The following MAN2A1 variants were observed in gnomAD, a reference collection of about 807,000 sequenced individuals.
The protein encoded by MAN2A1 is alpha-mannosidase 2.
In MAN2A1, 76 loss-of-function variants were observed where a neutral mutation model predicts 142.6. The ratio of observed to expected loss-of-function variants is 0.53; its 90% CI spans 0.44 to 0.65. The LOEUF is 0.65. MAN2A1 is among the 30% of genes least tolerant of loss of function. The pLI is 0.00. For missense variants in MAN2A1, 1,311 were observed against 1,365.1 expected (o/e 0.96, Z 0.62); for synonymous variants, 559 against 473.2 (o/e 1.18, Z -2.35).
At chr5:109,695,535 T>G (rs1038777244) in intron 1 of MAN2A1, among the ~76,000 whole-genome samples, 5 of 152,206 alleles carry the variant, frequency 3.3e-5, no homozygotes, top group Non-Finnish European at 5.9e-5. Context: ...CCTGGTTTAT[T>G]CTTAGCTTTT....
At chr5:109,719,282 A>C (rs927737551) in intron 3 of MAN2A1, among the ~76,000 whole-genome samples, 2 of 152,218 alleles carry the variant, frequency 1.3e-5, no homozygotes, top group Non-Finnish European at 2.9e-5. Flanking sequence ...GTCAGAAACA[A>C]ACATTTTAAA....
chr5:109,712,828 T>C (rs1751340252), intron 1 of MAN2A1, among the ~76,000 whole-genome samples: 1 of 152,118 alleles, frequency 6.6e-6, no homozygotes, highest in Non-Finnish European at 1.5e-5. Flanking sequence ...GATATAGGGG[T>C]GAACAAGGTA....
In MAN2A1 at chr5:109,775,318, C is replaced by T. The variant is rs149142295; in HGVS notation, c.1374+353C>T. 1.3e-3 allele frequency among the ~76,000 whole-genome samples: 197 copies of T among 152,226 alleles called. 1 individual carries two copies. The highest frequency in any genetic ancestry group is 6.8e-3 in the Middle Eastern group (2 of 294). Reference sequence around the variant, plus strand: ...CCAACATTGAAAGTCTGTTATTTCTCTCTGACAGCTGCATCCTTGTGATTT... The same window carrying T: ...CCAACATTGAAAGTCTGTTATTTCTTTCTGACAGCTGCATCCTTGTGATTT... On this transcript the variant is annotated intron_variant, in intron 8 of 21. Coordinates refer to ENST00000261483, the MANE Select transcript of MAN2A1 (RefSeq NM_002372.4).
intron 4 of MAN2A1, among the ~76,000 whole-genome samples, chr5:109,738,095 A>T (rs1752157094): frequency 6.6e-6 from 1 of 152,200 alleles, no homozygotes; most frequent in Non-Finnish European, 1.5e-5. Flanking sequence ...TGCATAAGCA[A>T]GGCAAAATTT....
chr5:109,780,273 A>T (rs1753419849), intron 8 of MAN2A1, among the ~76,000 whole-genome samples: 1 of 151,886 alleles, frequency 6.6e-6, no homozygotes, highest in Non-Finnish European at 1.5e-5. Flanking sequence ...GTTAGCCAGG[A>T]TGGTCTCCAT....
chr5:109,797,588 A>G (rs1753898166), intron 12 of MAN2A1, among the ~76,000 whole-genome samples: 1 of 152,196 alleles, frequency 6.6e-6, no homozygotes, highest in South Asian at 2.1e-4. Context: ...ACAAGATTCC[A>G]ACAAAAGAAT....
chr5:109,819,474 T>A (rs559841574), intron 13 of MAN2A1, among the ~76,000 whole-genome samples, 195 bp from the exon 14 acceptor site: 2 of 152,328 alleles, frequency 1.3e-5, no homozygotes, highest in Admixed American at 6.5e-5. Flanking sequence ...ATTTTTTGTT[T>A]TTTGTTTTTT....
intron 12 of MAN2A1, among the ~76,000 whole-genome samples, chr5:109,817,015 C>A (rs1754478688): frequency 6.6e-6 from 1 of 151,996 alleles, no homozygotes; most frequent in Admixed American, 6.6e-5. Flanking sequence ...AAAAAATTAG[C>A]CAGATGTAGT....
chr5:109,849,904 T>C (rs1238671643), intron 19 of MAN2A1, among the ~76,000 whole-genome samples: 8 of 152,150 alleles, frequency 5.3e-5, no homozygotes, highest in Non-Finnish European at 1.2e-4. Flanking sequence ...GCCCACTGGT[T>C]TCCTTTAAGT....
chr5:109,779,833 CA>C (rs890451910), intron 8 of MAN2A1, among the ~76,000 whole-genome samples: 18 of 151,838 alleles, frequency 1.2e-4, no homozygotes, highest in African/African-American at 4.4e-4. Flanking sequence ...TTGGCTACAC[CA>C]AATTGAATAC....
chr5:109,776,983 G>A, intron 8 of MAN2A1, among the ~76,000 whole-genome samples: 1 of 152,036 alleles, frequency 6.6e-6, no homozygotes, highest in Non-Finnish European at 1.5e-5. Flanking sequence ...ATATACCACA[G>A]TTTATTCATT....
intron 4 of MAN2A1, among the ~76,000 whole-genome samples, chr5:109,734,861 G>A (rs1463185842): frequency 6.6e-6 from 1 of 152,184 alleles, no homozygotes; most frequent in Non-Finnish European, 1.5e-5. Flanking sequence ...ATTTGGGGTG[G>A]AGAGTTCTGT....
intron 1 of MAN2A1, among the ~76,000 whole-genome samples, chr5:109,701,738 T>C (rs977331756): frequency 6.6e-6 from 1 of 152,154 alleles, no homozygotes; most frequent in Non-Finnish European, 1.5e-5. Context: ...TGGAGACATT[T>C]TGTAAAGAGA....
chr5:109,849,495 A>G (rs1003384346), intron 19 of MAN2A1, among the ~76,000 whole-genome samples: 1 of 152,156 alleles, frequency 6.6e-6, no homozygotes, highest in Non-Finnish European at 1.5e-5. Context: ...GTTCTGCCTG[A>G]TAGACACTTC....
rs61735367 is a variant in MAN2A1 at position 109,866,882 on chromosome 5, G to A, written c.3319G>A (p.Glu1107Lys). 1.2e-5 allele frequency: 20 copies of A among 1,607,538 alleles called. No individual in the cohort carries two copies. The highest frequency in any genetic ancestry group is 6.7e-5 in the African/African-American group (5 of 74,590). ...VQKLLNKFIV[E>K]SLTPSSLSLM... is the part of the protein sequence containing the mutation. ...GAAACTTTTAAACAAGTTTATTGTC[G>A]AAAGTCTCACACCTTCATCACTATC... The change falls in exon 22 of 22, where the codon GAA becomes AAA. Residue 1107 changes from glutamate to lysine, a missense_variant. Glu to Lys is a moderately conservative substitution (Grantham distance 56). This residue lies in a region of MAN2A1 where 890 missense variants were observed against 920.5 expected (regional missense o/e 0.97). Transcript: ENST00000261483.
chr5:109,744,246 G>T (rs767109943), intron 4 of MAN2A1, among the ~76,000 whole-genome samples: 2 of 152,218 alleles, frequency 1.3e-5, no homozygotes, highest in South Asian at 2.1e-4. Flanking sequence ...ATTAAACACA[G>T]TATAATAATA....
intron 4 of MAN2A1, among the ~76,000 whole-genome samples, chr5:109,736,022 C>T (rs1182657907): frequency 6.6e-6 from 1 of 151,852 alleles, no homozygotes; most frequent in Non-Finnish European, 1.5e-5. Flanking sequence ...CCACTCTAGG[C>T]ATGTGCTGCT....
At chr5:109,766,512 A>G (rs1401150284) in intron 5 of MAN2A1, among the ~76,000 whole-genome samples, 1 of 151,930 alleles carries the variant, frequency 6.6e-6, no homozygotes, top group Non-Finnish European at 1.5e-5. Flanking sequence ...CCCCATGTCT[A>G]TGTTCTTCTT....
In MAN2A1 at chr5:109,845,948, C is replaced by G; in HGVS notation, c.2784C>G (p.Ala928=). The G allele has an allele frequency of 6.2e-7, 1 of 1,613,726 alleles. No individual in the cohort carries two copies. Among genetic ancestry groups the G allele is most frequent in the Non-Finnish European group, 8.5e-7 (1 of 1,179,708 alleles). The change falls in exon 18 of 22, where the codon GCC becomes GCG. Residue 928 remains alanine, a synonymous_variant. Coordinates refer to ENST00000261483, the MANE Select transcript of MAN2A1 (RefSeq NM_002372.4). ...CCACAATGGCCTATATCCAGGATGCCAAACATCGTTTGACACTGCTCTCTG... is the reference window on the plus strand; with the variant it reads ...CCACAATGGCCTATATCCAGGATGCGAAACATCGTTTGACACTGCTCTCTG... ...PMTTMAYIQD[A]KHRLTLLSAQ...
Sources: gnomAD v4.1 joint callset for allele counts (sites outside exome capture counted in the v4.1 genomes callset) on GRCh38, gnomAD v4.1.1 for gene constraint, gnomAD v4.1.1 regional missense constraint, MANE v1.5 for transcripts, NCBI Gene and HGNC (gene_info 2026-07-23, HGNC 2026-07-21) for gene names.